Variants in MYO5A observed in about 807,000 individuals in gnomAD.
MYO5A encodes myosin VA.
Under a neutral mutation model 249.7 loss-of-function variants are expected in MYO5A, and 98 were observed. The ratio of observed to expected loss-of-function variants is 0.39; its 90% CI spans 0.33 to 0.46. The LOEUF (loss-of-function observed/expected upper bound fraction) is 0.46, where lower values mean the gene tolerates loss of function less well. Ranked by LOEUF, MYO5A falls within the 20% of genes least tolerant of loss-of-function variation. The probability of loss-of-function intolerance (pLI) is 0.98; values close to 1 mark genes in which losing one functional copy is unlikely to be tolerated. For missense variants in MYO5A, 1,696 were observed against 2,308.8 expected (o/e 0.73, Z 5.44); for synonymous variants, 778 against 810.6 (o/e 0.96, Z 0.68).
intron 35 of MYO5A, among the ~76,000 whole-genome samples, chr15:52,328,883 T>A (rs1316895314): frequency 1.3e-5 from 2 of 152,224 alleles, no homozygotes; most frequent in Non-Finnish European, 2.9e-5. Context: ...TTTTTCTGCC[T>A]TGAATGTTCT....
At chr15:52,336,983 G>A (rs1200935116) in intron 33 of MYO5A, among the ~76,000 whole-genome samples, 1 of 152,200 alleles carries the variant, frequency 6.6e-6, no homozygotes, top group Non-Finnish European at 1.5e-5. Flanking sequence ...CCCCATGTGT[G>A]AAGCACTGTC....
At chr15:52,433,778 A>T (rs1369651038) in intron 1 of MYO5A, among the ~76,000 whole-genome samples, 1 of 152,054 alleles carries the variant, frequency 6.6e-6, no homozygotes, top group Non-Finnish European at 1.5e-5. Flanking sequence ...TAGCACCACC[A>T]TTCCCAAATT....
At chr15:52,438,995 G>A (rs902138627) in intron 1 of MYO5A, among the ~76,000 whole-genome samples, 2 of 152,232 alleles carry the variant, frequency 1.3e-5, no homozygotes, top group Admixed American at 6.5e-5. Flanking sequence ...GCTTGCCATC[G>A]TTCCTGCATG....
intron 1 of MYO5A, among the ~76,000 whole-genome samples, chr15:52,468,207 C>T (rs746944477): frequency 4.0e-5 from 6 of 151,830 alleles, no homozygotes; most frequent in Non-Finnish European, 7.4e-5. Flanking sequence ...CCCAACTATT[C>T]GGGAGGATCA....
chr15:52,396,081 A>C (rs1032176726), intron 11 of MYO5A, among the ~76,000 whole-genome samples: 2 of 152,216 alleles, frequency 1.3e-5, no homozygotes, highest in Non-Finnish European at 2.9e-5. Flanking sequence ...GCTTCTCTCA[A>C]TCTATTTGTC....
intron 1 of MYO5A, among the ~76,000 whole-genome samples, chr15:52,520,765 C>A (rs2462845): frequency 0.92 from 140,581 of 152,250 alleles, 65,968 homozygotes; most frequent in East Asian, 1. Context: ...ACATCCTGTA[C>A]CTCAGCTAAT....
At chr15:52,502,291 TATAC>T (rs150161899) in intron 1 of MYO5A, among the ~76,000 whole-genome samples, 3 of 151,536 alleles carry the variant, frequency 2.0e-5, no homozygotes, top group Admixed American at 6.6e-5. Context: ...CCAATACATA[TATAC>T]ATACATACAT....
chr15:52,437,721 G>A (rs28729511), intron 1 of MYO5A, among the ~76,000 whole-genome samples: 9,694 of 152,130 alleles, frequency 0.064, 924 homozygotes, highest in African/African-American at 0.21. Flanking sequence ...TGACTGACCA[G>A]TGCCTAAACA....
intron 1 of MYO5A, chr15:52,437,995 A>G (rs1262671186): frequency 1.0e-6 from 1 of 978,222 alleles, no homozygotes. Flanking sequence ...AAAGCATCCA[A>G]GGAGAAATAG....
chr15:52,408,218 ATATT>A (rs1306522879), intron 6 of MYO5A, 78 bp from the exon 7 acceptor site: 33 of 795,590 alleles, frequency 4.1e-5, no homozygotes, highest in Non-Finnish European at 7.0e-5. Context: ...TAAGATTTTA[ATATT>A]TAATTATCTC....
intron 36 of MYO5A, among the ~76,000 whole-genome samples, chr15:52,327,557 A>C (rs1174147809): frequency 6.6e-6 from 1 of 152,144 alleles, no homozygotes; most frequent in African/African-American, 2.4e-5. Context: ...AACATAAAAA[A>C]TTAGCTGGGC....
rs571813257 is a variant in MYO5A, at chr15:52,508,317, G to C, written c.27+20463C>G. ...AACTTAGAATCAGATAATCCAAGTGGATTTTGTAGCTAGTTTTATGAAAAC... is the reference window on the plus strand; with the variant it reads ...AACTTAGAATCAGATAATCCAAGTGCATTTTGTAGCTAGTTTTATGAAAAC... On this transcript the variant is annotated intron_variant, in intron 1 of 41. Coordinates refer to ENST00000399233, the MANE Select transcript of MYO5A (RefSeq NM_001382347.1). Among the ~76,000 whole-genome samples the C allele has an allele frequency of 7.3e-5, 11 of 151,540 alleles. No individual in the cohort carries two copies. The East Asian group carries it at 1.7e-3, about 24-fold the overall frequency.
intron 1 of MYO5A, among the ~76,000 whole-genome samples, chr15:52,527,200 A>AT (rs1196644849): frequency 6.6e-6 from 1 of 152,198 alleles, no homozygotes; most frequent in Non-Finnish European, 1.5e-5. Flanking sequence ...TTACAGACTG[A>AT]TTATCTCTTC....
chr15:52,476,052 T>G (rs1194908432), intron 1 of MYO5A, among the ~76,000 whole-genome samples: 1 of 152,194 alleles, frequency 6.6e-6, no homozygotes, highest in African/African-American at 2.4e-5. Context: ...TCTAAGGACT[T>G]GCTTTTTGAA....
intron 1 of MYO5A, among the ~76,000 whole-genome samples, chr15:52,503,924 A>T (rs892764203): frequency 2.1e-4 from 32 of 152,338 alleles, no homozygotes; most frequent in Admixed American, 9.8e-4. Context: ...CATGATCGAC[A>T]TTGCTTTACC....
At position 52,428,555 on chromosome 15, in the gene MYO5A, A is replaced by G. The variant is rs2075447254; in HGVS notation, c.153T>C (p.His51=). 1 of 1,614,176 alleles carries G rather than the reference A, an allele frequency of 6.2e-7. No homozygotes were observed. The highest frequency in any genetic ancestry group is 8.5e-7 in the Non-Finnish European group (1 of 1,180,006). Residue 51 remains histidine (H), a synonymous_variant, in exon 3 of 42, where the codon CAT becomes CAC. Transcript: ENST00000399233. The part of the protein sequence containing the change: ...HLEEGKDLEY[H]LDPKTKELPH... ...GCAGCTCCTTGGTCTTTGGATCTAG[A>G]TGGTATTCCAAATCCTGAAAATGCA... is the stretch of plus-strand genomic sequence containing the variant.
chr15:52,417,888 T>A (rs901124020), intron 4 of MYO5A, among the ~76,000 whole-genome samples: 4 of 152,150 alleles, frequency 2.6e-5, no homozygotes, highest in African/African-American at 7.2e-5. Context: ...TGGTATTCTG[T>A]TATAGCAGCA....
At chr15:52,394,500 G>A (rs1426677931) in intron 11 of MYO5A, among the ~76,000 whole-genome samples, 1 of 152,186 alleles carries the variant, frequency 6.6e-6, no homozygotes. Context: ...AGGTGGAGAA[G>A]ATGTATACAG....
At chr15:52,383,008 AAGGAAAAT>A in intron 16 of MYO5A, 75 bp downstream of exon 16, 5 of 1,199,418 alleles carry the variant, frequency 4.2e-6, no homozygotes, top group Middle Eastern at 3.8e-4. Context: ...ATAAAAATGT[AAGGAAAAT>A]ATTAGTTTGC....
Sources: allele counts gnomAD v4.1 joint callset (sites outside exome capture counted in the v4.1 genomes callset), GRCh38; gene constraint gnomAD v4.1.1; transcripts MANE v1.5; gene names NCBI Gene and HGNC (gene_info 2026-07-23, HGNC 2026-07-21).